The following ZNF263 variants were observed in gnomAD, a reference collection of about 807,000 sequenced individuals.
ZNF263 encodes zinc finger protein 263.
ZNF263 carries 49 observed loss-of-function variants against 63.1 expected under a neutral mutation model. The observed-to-expected ratio is 0.78, with a 90% CI of 0.62 to 0.99. ZNF263 has a LOEUF of 0.99. Among genes scored for constraint, ZNF263 ranks in the 50% least tolerant of loss-of-function variants. ZNF263 has a pLI of 0.00. For missense variants in ZNF263, 872 were observed against 854.8 expected, an observed-to-expected ratio of 1.02 and a Z score of -0.25; for synonymous variants, 352 against 324.2, an observed-to-expected ratio of 1.09 and a Z score of -0.92.
intron 1 of ZNF263, among the ~76,000 whole-genome samples, chr16:3,297,579 C>G (rs1323500125): frequency 4.8e-5 from 7 of 145,182 alleles, no homozygotes; most frequent in Admixed American, 1.5e-4. Context: ...ATTTTCCTGT[C>G]TCAGCCTCCC....
downstream of ZNF263, among the ~76,000 whole-genome samples, chr16:3,295,023 C>T (rs977514439): frequency 1.3e-5 from 2 of 152,160 alleles, no homozygotes; most frequent in African/African-American, 4.8e-5. Flanking sequence ...CTGGGCCTCC[C>T]GGCAGGAGTC....
In ZNF263 at chr16:3,300,334, G is replaced by A. The variant is rs751411046; in HGVS notation, c.*47-579G>A. ...CTCCACGCCTCTTACCGGAACACCGGCTGAGCGTTTCTGTTGGTACCACAT... is the reference window on the plus strand; with the variant it reads ...CTCCACGCCTCTTACCGGAACACCGACTGAGCGTTTCTGTTGGTACCACAT... On this transcript the variant is annotated intron_variant, in intron 2 of 2. Coordinates refer to the ZNF263 transcript ENST00000574674. 254 of 1,614,100 alleles carry A rather than the reference G, an allele frequency of 1.6e-4. 1 individual carries two copies. The Admixed American group carries it at 4.2e-3, about 27-fold the overall frequency.
chr16:3,284,775 A>G (rs576877011), intron 1 of ZNF263, among the ~76,000 whole-genome samples: 3 of 152,238 alleles, frequency 2.0e-5, no homozygotes, highest in African/African-American at 7.2e-5. Context: ...CCTATCCTAT[A>G]GTGAGGAATA....
intron 1 of ZNF263, among the ~76,000 whole-genome samples, chr16:3,284,738 T>C (rs1959276339): frequency 6.6e-6 from 1 of 152,114 alleles, no homozygotes; most frequent in Admixed American, 6.5e-5. Flanking sequence ...CCTGAGGTCA[T>C]TGGTCCCCAG....
At chr16:3,296,069 C>T (rs1026395931), downstream of ZNF263, among the ~76,000 whole-genome samples, 2 of 152,208 alleles carry the variant, frequency 1.3e-5, no homozygotes, top group Admixed American at 1.3e-4. Flanking sequence ...CACGCACTGT[C>T]CTCTCAGACA....
In ZNF263 at chr16:3,284,206, G is replaced by A; in HGVS notation, c.387+1G>A. 1 of 1,528,662 alleles carries A rather than the reference G, an allele frequency of 6.5e-7. No homozygotes were observed. The highest frequency in any genetic ancestry group is 8.8e-7 in the Non-Finnish European group (1 of 1,136,924). 94.7% of individuals were successfully genotyped at this position (1,528,662 alleles called of 1,614,324 possible). ...AGAGCTTGGGAGACTGAGACAACAGGTGAGAGAGAGAGAGAGCTGTTTTAT... is the reference window on the plus strand; with the variant it reads ...AGAGCTTGGGAGACTGAGACAACAGATGAGAGAGAGAGAGAGCTGTTTTAT... On this transcript the variant is annotated splice_donor_variant, in intron 1 of 5. Transcript: ENST00000219069. LOFTEE classifies it high-confidence loss of function.
In ZNF263 at chr16:3,284,160, C is replaced by A; in HGVS notation, c.342C>A (p.Thr114=). ...LHPESGEEAV[T]LVEDMQRELG... ...CGGAGAGCGGCGAAGAAGCGGTGAC[C>A]CTTGTGGAGGATATGCAGAGAGAGC... The change falls in exon 1 of 6, where the codon ACC becomes ACA. Residue 114 remains threonine, a synonymous_variant. Transcript: ENST00000219069. The A allele has an allele frequency of 6.3e-7, 1 of 1,587,812 alleles. No individual in the cohort carries two copies. The highest frequency in any genetic ancestry group is 8.6e-7 in the Non-Finnish European group (1 of 1,166,310).
exon 3 of ZNF263, chr16:3,301,051 C>T (rs1245850439): frequency 5.9e-6 from 1 of 170,822 alleles, no homozygotes; most frequent in African/African-American, 2.4e-5. Flanking sequence ...TCCATAAAAA[C>T]TGATGCTTCA....
At position 3,286,287 on chromosome 16, in the gene ZNF263, C is replaced by T. The variant is rs918967455; in HGVS notation, c.769+138C>T. ...GGAGACTTCCCTTTGTCTAAAGTCCCCTGTACGAGAGTCATGTATCTGCCA... is the reference window on the plus strand; with the variant it reads ...GGAGACTTCCCTTTGTCTAAAGTCCTCTGTACGAGAGTCATGTATCTGCCA... On this transcript the variant is annotated intron_variant, in intron 4 of 5. Transcript: ENST00000219069. 41 of 1,307,822 alleles carry T rather than the reference C, an allele frequency of 3.1e-5. No homozygotes were observed. The African/African-American group carries it at 5.9e-4, about 19-fold the overall frequency. 81.0% of individuals were successfully genotyped at this position (1,307,822 alleles called of 1,614,324 possible).
At position 3,289,891 on chromosome 16, in the gene ZNF263, A is replaced by G. The variant is rs1959538395; in HGVS notation, c.1385A>G (p.Tyr462Cys). ...CGCACCCACACGGGTGAGAAGCCCT[A>G]TCAGTGCAACATTTGCGGAAAATGT... ...HQRTHTGEKP[Y>C]QCNICGKCFS... Residue 462 changes from tyrosine to cysteine, a missense_variant, in exon 6 of 6, where the codon TAT becomes TGT. Coordinates refer to ENST00000219069, the MANE Select transcript of ZNF263 (RefSeq NM_005741.5). 1 of 1,614,208 alleles carries G rather than the reference A, an allele frequency of 6.2e-7. No homozygotes were observed. Among genetic ancestry groups the G allele is most frequent in the Non-Finnish European group, 8.5e-7 (1 of 1,180,036 alleles).
chr16:3,299,931 A>G, intron 2 of ZNF263: 2 of 1,612,796 alleles, frequency 1.2e-6, no homozygotes, highest in Non-Finnish European at 1.7e-6. Context: ...ATTTTCCAAT[A>G]ATGATTGACT....
downstream of ZNF263, among the ~76,000 whole-genome samples, chr16:3,296,072 C>G (rs1959736910): frequency 6.6e-6 from 1 of 152,224 alleles, no homozygotes; most frequent in Non-Finnish European, 1.5e-5. Context: ...GCACTGTCCT[C>G]TCAGACACCT....
In ZNF263 at chr16:3,283,835, G is replaced by A; in HGVS notation, c.17G>A (p.Gly6Asp). 1.3e-6 allele frequency: 2 copies of A among 1,577,424 alleles called. No individual in the cohort carries two copies. Among genetic ancestry groups the A allele is most frequent in the Non-Finnish European group, 1.7e-6 (2 of 1,164,444 alleles). The change falls in exon 1 of 6, where the codon GGC (glycine) becomes GAC (aspartate). Residue 6 changes from glycine to aspartate, a missense_variant. Gly to Asp is a moderately conservative substitution (Grantham distance 94). Coordinates refer to ENST00000219069, the MANE Select transcript of ZNF263 (RefSeq NM_005741.5). ...GACCTGACGATGGCGTCGGGCCCGGGCTCCCAGGAACGGGAAGGGCTCCTG... is the reference window on the plus strand; with the variant it reads ...GACCTGACGATGGCGTCGGGCCCGGACTCCCAGGAACGGGAAGGGCTCCTG... MASGP[G>D]SQEREGLLIV...
chr16:3,288,715 G>C (rs528436379), intron 5 of ZNF263, 145 bp downstream of exon 5: 26 of 536,366 alleles, frequency 4.8e-5, no homozygotes, highest in Non-Finnish European at 8.4e-5. Flanking sequence ...GTGCGATCTC[G>C]GCTCACTGCA....
rs1567248634 is a variant in ZNF263, at chr16:3,283,986, G to A, written c.168G>A (p.Arg56=). 30 of 1,613,992 alleles carry A rather than the reference G, an allele frequency of 1.9e-5. No homozygotes were observed. The highest frequency in any genetic ancestry group is 2.5e-5 in the Non-Finnish European group (29 of 1,180,010). The change falls in exon 1 of 6, where the codon CGG becomes CGA. Residue 56 remains arginine (R), a synonymous_variant. Coordinates refer to ENST00000219069, the MANE Select transcript of ZNF263 (RefSeq NM_005741.5). ...GCTTCCAAGAGGCAGCTGGTCCCCGGGAAGCCCTCAGCCGGCTCCAAGAGC... is the reference window on the plus strand; with the variant it reads ...GCTTCCAAGAGGCAGCTGGTCCCCGAGAAGCCCTCAGCCGGCTCCAAGAGC... ...RFRFQEAAGP[R]EALSRLQELC...
rs767083347 is a variant in ZNF263, at chr16:3,286,156, A to T, written c.769+7A>T. The T allele has an allele frequency of 6.3e-7, 1 of 1,580,690 alleles. No individual in the cohort carries two copies. ...GAGAATGTGGACTCACTGGGTAAGG[A>T]CTTCTTTTCCAGGGATGATGACTGC... On this transcript the variant is annotated splice_region_variant and intron_variant, in intron 4 of 5. Transcript: ENST00000219069.
chr16:3,283,627 G>A lies in ZNF263; in HGVS notation c.-192G>A. On this transcript the variant is annotated 5_prime_UTR_variant, in exon 1 of 6. Coordinates refer to ENST00000219069, the MANE Select transcript of ZNF263 (RefSeq NM_005741.5). ...GCAGATGGGCCACGGGGCCGGCGTG[G>A]CGGCGCCTGGGACCGACTGAGGCCT... is the stretch of plus-strand genomic sequence containing the variant. 2.4e-6 allele frequency: 2 copies of A among 825,672 alleles called. No individual in the cohort carries two copies. The highest frequency in any genetic ancestry group is 3.3e-6 in the Non-Finnish European group (2 of 615,326). 51.1% of individuals were successfully genotyped at this position (825,672 alleles called of 1,614,324 possible).
At chr16:3,300,236 A>C in intron 2 of ZNF263, 1 of 1,614,252 alleles carries the variant, frequency 6.2e-7, no homozygotes, top group East Asian at 2.2e-5. Context: ...CGAAATCTAA[A>C]AAGCCAACCA....
chr16:3,288,689 A>T, intron 5 of ZNF263, 119 bp downstream of exon 5: 1 of 637,564 alleles, frequency 1.6e-6, no homozygotes, highest in Non-Finnish European at 2.7e-6. Flanking sequence ...CTTGTTGCCC[A>T]GGCTGGAGTG....
Sources: gnomAD v4.1 joint callset for allele counts (sites outside exome capture counted in the v4.1 genomes callset) on GRCh38, gnomAD v4.1.1 for gene constraint, MANE v1.5 for transcripts, NCBI Gene and HGNC (gene_info 2026-07-23, HGNC 2026-07-21) for gene names.